CHAF1B: variants seen among roughly 807,000 people sequenced by gnomAD.
The protein encoded by CHAF1B is CAF-1 subunit B.
In CHAF1B, 10 loss-of-function variants were observed where a neutral mutation model predicts 60.7. The ratio of observed to expected loss-of-function variants is 0.16; its 90% CI spans 0.10 to 0.28. The LOEUF is 0.28. Among genes scored for constraint, CHAF1B ranks in the 10% least tolerant of loss-of-function variants. The probability of loss-of-function intolerance (pLI) is 1.00; values close to 1 mark genes in which losing one functional copy is unlikely to be tolerated. For missense variants in CHAF1B, 558 were observed against 708.4 expected (o/e 0.79, Z 2.41); for synonymous variants, 261 against 266.1 (o/e 0.98, Z 0.19).
At chr21:36,385,972 C>T in intron 1 of CHAF1B, 88 bp from the exon 2 acceptor site, 2 of 701,062 alleles carry the variant, frequency 2.9e-6, no homozygotes, top group Non-Finnish European at 4.8e-6. Context: ...TTTCCCAATG[C>T]AGTGTGCATT....
At chr21:36,396,600 G>A (rs2086141515) in intron 5 of CHAF1B, among the ~76,000 whole-genome samples, 1 of 150,796 alleles carries the variant, frequency 6.6e-6, no homozygotes. Context: ...GCTGCAGTGA[G>A]CTCTGACGGC....
At chr21:36,392,556 C>A (rs1440797388) in intron 4 of CHAF1B, among the ~76,000 whole-genome samples, 1 of 149,304 alleles carries the variant, frequency 6.7e-6, no homozygotes, top group African/African-American at 2.5e-5. Context: ...CGGGGGCTGC[C>A]CCCCACCTCC....
In CHAF1B at chr21:36,391,576, G is replaced by C. The variant is rs1343003461; in HGVS notation, c.285G>C (p.Val95=). The change falls in exon 4 of 14, where the codon GTG becomes GTC. Residue 95 remains valine (V), a synonymous_variant. Coordinates refer to ENST00000314103, the MANE Select transcript of CHAF1B (RefSeq NM_005441.3). The part of the protein sequence containing the change: ...GDDAVILLWK[V]NDNKEPEQIA... ...ATGCTGTCATCCTATTGTGGAAGGT[G>C]AATGATAACAAGGAGCCGGAGCAGA... The C allele has an allele frequency of 1.9e-6, 3 of 1,612,816 alleles. No individual in the cohort carries two copies. Among genetic ancestry groups the C allele is most frequent in the Non-Finnish European group, 2.5e-6 (3 of 1,179,128 alleles).
chr21:36,394,749 TGAGA>T (rs2086123743), intron 5 of CHAF1B, 99 bp downstream of exon 5: 1 of 698,026 alleles, frequency 1.4e-6, no homozygotes. Flanking sequence ...TTTTTTTTTT[TGAGA>T]CAGGATCTCA....
At chr21:36,390,849 T>G (rs2086081125) in intron 3 of CHAF1B, among the ~76,000 whole-genome samples, 1 of 152,110 alleles carries the variant, frequency 6.6e-6, no homozygotes, top group Non-Finnish European at 1.5e-5. Context: ...AGAGACAAGG[T>G]CTTGCTCTCT....
chr21:36,389,800 T>TGTGTGTGTGTGTGCGCGC, intron 3 of CHAF1B, among the ~76,000 whole-genome samples: 128 of 124,786 alleles, frequency 1.0e-3, no homozygotes, highest in African/African-American at 2.0e-3. Flanking sequence ...TGTGTGTGTG[T>TGTGTGTGTGTGTGCGCGC]GCGCGCGCAC....
intron 5 of CHAF1B, 127 bp from the exon 6 acceptor site, chr21:36,397,288 C>T: frequency 2.3e-6 from 1 of 435,494 alleles, no homozygotes; most frequent in African/African-American, 2.0e-5. Context: ...TACAGAGTCT[C>T]TCACTTACTG....
intron 10 of CHAF1B, 73 bp downstream of exon 10, chr21:36,409,538 G>A: frequency 9.1e-7 from 1 of 1,095,044 alleles, no homozygotes; most frequent in Non-Finnish European, 1.4e-6. Context: ...TGGAGATTTG[G>A]ATTCTGTCTT....
chr21:36,400,292 C>G (rs13046430), intron 7 of CHAF1B, among the ~76,000 whole-genome samples: 13,403 of 151,824 alleles, frequency 0.088, 1,194 homozygotes, highest in East Asian at 0.42. Context: ...CTGGCCTGGC[C>G]AACATGGTGA....
intron 5 of CHAF1B, among the ~76,000 whole-genome samples, chr21:36,396,123 C>T (rs1167157553): frequency 6.6e-6 from 1 of 151,628 alleles, no homozygotes; most frequent in Non-Finnish European, 1.5e-5. Flanking sequence ...CCTCAGCCCT[C>T]AAGGTAGCTG....
At chr21:36,393,115 G>A (rs1191936684) in intron 4 of CHAF1B, among the ~76,000 whole-genome samples, 1 of 152,224 alleles carries the variant, frequency 6.6e-6, no homozygotes, top group Non-Finnish European at 1.5e-5. Flanking sequence ...GGCAGGCTGA[G>A]GCAGGAGAAT....
In CHAF1B at chr21:36,385,993, C is replaced by T. The variant is rs1373652452; in HGVS notation, c.-77-67C>T. ...AATGCAGTGTGCATTTTAAATGGCTCCTGGCCCCTATTCAGCGCTCAATAA... is the reference window on the plus strand; with the variant it reads ...AATGCAGTGTGCATTTTAAATGGCTTCTGGCCCCTATTCAGCGCTCAATAA... On this transcript the variant is annotated intron_variant, in intron 1 of 13. Coordinates refer to ENST00000314103, the MANE Select transcript of CHAF1B (RefSeq NM_005441.3). 7 of 919,378 alleles carry T rather than the reference C, an allele frequency of 7.6e-6. No homozygotes were observed. In the South Asian group the frequency reaches 9.9e-5, roughly 13 times the overall value. The allele number at this position is 919,378 out of a possible 1,614,324, so 57.0% of individuals were successfully genotyped here.
At chr21:36,405,363 G>A (rs2086229837) in intron 8 of CHAF1B, among the ~76,000 whole-genome samples, 1 of 152,058 alleles carries the variant, frequency 6.6e-6, no homozygotes, top group African/African-American at 2.4e-5. Context: ...ACTTAGAAAT[G>A]GAAGGAGGAG....
At position 36,399,034 on chromosome 21, in the gene CHAF1B, C is replaced by A. The variant is rs964918391; in HGVS notation, c.579-487C>A. Among the ~76,000 whole-genome samples, 16 of 147,172 alleles carry A rather than the reference C, an allele frequency of 1.1e-4. No individual in the cohort carries two copies. In the East Asian group the frequency reaches 3.1e-3, roughly 29 times the overall value. ...AGCTAGTGGGAGTAATGTGACTTAC[C>A]AATTTTTTTTTTTTTTTTTTGAGAC... On this transcript the variant is annotated intron_variant, in intron 6 of 13. Coordinates refer to ENST00000314103, the MANE Select transcript of CHAF1B (RefSeq NM_005441.3).
intron 5 of CHAF1B, among the ~76,000 whole-genome samples, chr21:36,396,046 G>T (rs2086134809): frequency 6.6e-6 from 1 of 151,416 alleles, no homozygotes; most frequent in Non-Finnish European, 1.5e-5. Flanking sequence ...AGTTCCCCAG[G>T]ATGGAGTGCA....
rs2086288528 is a variant in CHAF1B at position 36,412,878 on chromosome 21, A to G, written c.1062-6A>G. 3 of 1,609,182 alleles carry G rather than the reference A, an allele frequency of 1.9e-6. No homozygotes were observed. The highest frequency in any genetic ancestry group is 1.7e-6 in the Non-Finnish European group (2 of 1,177,452). On this transcript the variant is annotated splice_region_variant and splice_polypyrimidine_tract_variant and intron_variant, in intron 11 of 13. Transcript: ENST00000314103. ...TCTGTAACTTTTCCCTGTTTTGGGG[A>G]CGAAGGTCCAGCGATGGTGCCTTCC...
chr21:36,408,492 A>G (rs1156535853), intron 8 of CHAF1B, among the ~76,000 whole-genome samples: 1 of 152,170 alleles, frequency 6.6e-6, no homozygotes, highest in Non-Finnish European at 1.5e-5. Context: ...AAGGCTCACT[A>G]TGTTCTCCTC....
rs2086030345 is a variant in CHAF1B at position 36,386,119 on chromosome 21, C to T, written c.-18C>T. On this transcript the variant is annotated 5_prime_UTR_variant, in exon 2 of 14. Coordinates refer to ENST00000314103, the MANE Select transcript of CHAF1B (RefSeq NM_005441.3). ...AACGGTGCCCGAGAAACGTTTTTCCCCTTCGAGACTCAGGAGGATGAAAGT... is the reference window on the plus strand; with the variant it reads ...AACGGTGCCCGAGAAACGTTTTTCCTCTTCGAGACTCAGGAGGATGAAAGT... 4 of 1,613,180 alleles carry T rather than the reference C, an allele frequency of 2.5e-6. No individual in the cohort carries two copies. Among genetic ancestry groups the T allele is most frequent in the Non-Finnish European group, 3.4e-6 (4 of 1,179,662 alleles).
Position 36,416,379 on chromosome 21 carries a change from T to A in CHAF1B, c.*13T>A, listed in dbSNP as rs779982090. 2 of 1,610,004 alleles carry A rather than the reference T, an allele frequency of 1.2e-6. No individual in the cohort carries two copies. The highest frequency in any genetic ancestry group is 3.4e-5 in the Admixed American group (2 of 59,510). ...TCTGGACCCTTGATGGGACCTCGGCTTCTGCTCGAAGCCTACCAGGCTCCC... is the reference window on the plus strand; with the variant it reads ...TCTGGACCCTTGATGGGACCTCGGCATCTGCTCGAAGCCTACCAGGCTCCC... On this transcript the variant is annotated 3_prime_UTR_variant, in exon 14 of 14. Coordinates refer to ENST00000314103, the MANE Select transcript of CHAF1B (RefSeq NM_005441.3).
Sources: allele counts gnomAD v4.1 joint callset (sites outside exome capture counted in the v4.1 genomes callset), GRCh38; gene constraint gnomAD v4.1.1; transcripts MANE v1.5; gene names NCBI Gene and HGNC (gene_info 2026-07-23, HGNC 2026-07-21).